The following FRMD4A variants were observed in gnomAD, a reference collection of about 807,000 sequenced individuals.
FRMD4A encodes the protein FERM domain containing 4A.
Under a neutral mutation model 129.1 loss-of-function variants are expected in FRMD4A, and 29 were observed. The ratio of observed to expected loss-of-function variants is 0.22; its 90% CI spans 0.17 to 0.31. The LOEUF (loss-of-function observed/expected upper bound fraction) is 0.31. Among genes scored for constraint, FRMD4A ranks in the 10% least tolerant of loss-of-function variants. The probability of loss-of-function intolerance (pLI) is 1.00; values close to 1 mark genes in which losing one functional copy is unlikely to be tolerated. For synonymous variants in FRMD4A, 634 were observed against 571.6 expected (o/e 1.11, Z -1.56); for missense variants, 1,272 against 1,375.8 (o/e 0.92, Z 1.19).
chr10:14,319,367 T>TCTCTCA (rs112041665), intron 2 of FRMD4A, among the ~76,000 whole-genome samples: 2,471 of 145,052 alleles, frequency 0.017, 79 homozygotes, highest in African/African-American at 0.062. Flanking sequence ...TCTCTCTCTC[T>TCTCTCA]CACACACACA....
chr10:13,721,675 A>C (rs2089423479), intron 12 of FRMD4A, among the ~76,000 whole-genome samples: 1 of 152,132 alleles, frequency 6.6e-6, no homozygotes, highest in Non-Finnish European at 1.5e-5. Flanking sequence ...CACTTCTTCC[A>C]GCCTGTCAGC....
chr10:14,142,757 A>G (rs968843111), intron 2 of FRMD4A, among the ~76,000 whole-genome samples: 3 of 152,252 alleles, frequency 2.0e-5, no homozygotes, highest in Non-Finnish European at 4.4e-5. Context: ...GAATATCTGA[A>G]CTTGGATCTT....
intron 2 of FRMD4A, among the ~76,000 whole-genome samples, chr10:13,942,881 C>T (rs185373569): frequency 2.6e-4 from 40 of 151,840 alleles, no homozygotes; most frequent in Middle Eastern, 3.4e-3. Context: ...TTCAGTGAGC[C>T]GAGATTGTGC....
At chr10:13,828,263 A>G (rs1370180536) in intron 3 of FRMD4A, among the ~76,000 whole-genome samples, 1 of 152,120 alleles carries the variant, frequency 6.6e-6, no homozygotes, top group African/African-American at 2.4e-5. Flanking sequence ...TGTATCCATC[A>G]CCCAAATAGC....
intron 3 of FRMD4A, among the ~76,000 whole-genome samples, chr10:13,833,386 C>T (rs891287954): frequency 2.6e-5 from 4 of 152,144 alleles, no homozygotes; most frequent in African/African-American, 9.7e-5. Context: ...GGGAAACCGT[C>T]CCCAGGATGC....
At chr10:14,209,588 G>A (rs1277946562) in intron 2 of FRMD4A, among the ~76,000 whole-genome samples, 1 of 152,140 alleles carries the variant, frequency 6.6e-6, no homozygotes, top group African/African-American at 2.4e-5. Context: ...GGGCATGGTG[G>A]TGGGCACCTA....
intron 2 of FRMD4A, among the ~76,000 whole-genome samples, chr10:13,868,332 G>A (rs567505129): frequency 1.0e-3 from 152 of 151,764 alleles, no homozygotes; most frequent in African/African-American, 3.5e-3. Context: ...GCTTACTTTT[G>A]TTCGGTTCTC....
intron 2 of FRMD4A, among the ~76,000 whole-genome samples, chr10:13,866,634 G>A (rs748038657): frequency 2.0e-4 from 31 of 152,138 alleles, no homozygotes; most frequent in Non-Finnish European, 4.4e-4. Context: ...AAATTTACGG[G>A]AAATACACAC....
rs943158442 is a variant in FRMD4A at position 13,817,672 on chromosome 10, A to G, written c.112-6764T>C. 3.3e-5 allele frequency among the ~76,000 whole-genome samples: 5 copies of G among 152,328 alleles called. No individual in the cohort carries two copies. The East Asian group carries it at 9.6e-4, about 29-fold the overall frequency. On this transcript the variant is annotated intron_variant, in intron 3 of 24. Transcript: ENST00000357447. ...TGCACAAGCTCTCTTGCCTGCCGCC[A>G]TGTAAGATGTGCCTTTGCTTCTCCT...
intron 2 of FRMD4A, among the ~76,000 whole-genome samples, chr10:13,889,520 GC>G (rs1176117082): frequency 1.3e-5 from 2 of 152,188 alleles, no homozygotes; most frequent in African/African-American, 2.4e-5. Context: ...ACGAGATCAT[GC>G]TAATGGCACC....
intron 2 of FRMD4A, among the ~76,000 whole-genome samples, chr10:14,296,465 C>A (rs1846012438): frequency 6.6e-6 from 1 of 152,164 alleles, no homozygotes; most frequent in Non-Finnish European, 1.5e-5. Flanking sequence ...ATGTTTCTGA[C>A]CCCCATGCCT....
chr10:14,113,730 T>C (rs946909661), intron 2 of FRMD4A, among the ~76,000 whole-genome samples: 4 of 152,206 alleles, frequency 2.6e-5, no homozygotes, highest in African/African-American at 4.8e-5. Flanking sequence ...CTCTAATTGG[T>C]CAAAGGCTAT....
At chr10:13,750,149 A>AAAGAAAGAAAGG (rs1564739697) in intron 8 of FRMD4A, among the ~76,000 whole-genome samples, 3 of 148,852 alleles carry the variant, frequency 2.0e-5, no homozygotes, top group South Asian at 2.2e-4. Flanking sequence ...AGAAAGAAAG[A>AAAGAAAGAAAGG]AAAGAGAGAA....
chr10:14,165,578 A>G (rs80220104), intron 2 of FRMD4A, among the ~76,000 whole-genome samples: 10,040 of 152,226 alleles, frequency 0.066, 1,122 homozygotes, highest in African/African-American at 0.23. Context: ...TCACAGCACT[A>G]TTCACAATAG....
intron 2 of FRMD4A, among the ~76,000 whole-genome samples, chr10:14,045,939 T>G (rs1195112044): frequency 2.7e-5 from 4 of 148,190 alleles, no homozygotes; most frequent in Non-Finnish European, 5.9e-5. Context: ...TAATACATAT[T>G]CAATTTTATA....
chr10:13,652,216 A>T, intron 23 of FRMD4A: 1 of 564,008 alleles, frequency 1.8e-6, no homozygotes, highest in Non-Finnish European at 3.2e-6. Context: ...TTTGTATCAC[A>T]TCATAGCAAA....
At chr10:13,863,931 A>G (rs750464168) in intron 2 of FRMD4A, among the ~76,000 whole-genome samples, 13 of 152,304 alleles carry the variant, frequency 8.5e-5, no homozygotes, top group Non-Finnish European at 1.8e-4. Flanking sequence ...CCCACACCAC[A>G]CAGGGACACG....
At chr10:13,792,171 C>T (rs2093016110) in intron 5 of FRMD4A, among the ~76,000 whole-genome samples, 1 of 152,180 alleles carries the variant, frequency 6.6e-6, no homozygotes, top group Admixed American at 6.5e-5. Context: ...GGCTGGCAGG[C>T]CTGGCGGTGG....
chr10:13,795,184 G>C (rs1490114770), intron 5 of FRMD4A, among the ~76,000 whole-genome samples: 8 of 152,188 alleles, frequency 5.3e-5, no homozygotes, highest in Non-Finnish European at 1.0e-4. Context: ...TGCAACTGGA[G>C]TCCTGCCTGA....
Sources: allele counts gnomAD v4.1 joint callset (sites outside exome capture counted in the v4.1 genomes callset), GRCh38; gene constraint gnomAD v4.1.1; transcripts MANE v1.5; gene names NCBI Gene and HGNC (gene_info 2026-07-23, HGNC 2026-07-21).